GRIN2B: variants seen among roughly 807,000 people sequenced by gnomAD.
The protein encoded by GRIN2B is glutamate ionotropic receptor NMDA type subunit 2B.
GRIN2B carries 5 observed loss-of-function variants against 114.5 expected under a neutral mutation model. The observed-to-expected ratio is 0.04, with a 90% CI of 0.02 to 0.09. The LOEUF (loss-of-function observed/expected upper bound fraction) is 0.09, where lower values mean the gene tolerates loss of function less well. Among genes scored for constraint, GRIN2B ranks in the 10% least tolerant of loss-of-function variants. The pLI is 1.00. For missense variants in GRIN2B, 1,108 were observed against 1,943.5 expected (o/e 0.57, Z 8.08); for synonymous variants, 787 against 745.1 (o/e 1.06, Z -0.92).
chr12:13,663,205 C>T (rs1013541052), intron 5 of GRIN2B, among the ~76,000 whole-genome samples: 1 of 152,158 alleles, frequency 6.6e-6, no homozygotes, highest in African/African-American at 2.4e-5. Flanking sequence ...CACCGCCATC[C>T]CCTTTATGTT....
At chr12:13,977,288 G>C (rs889835096) in intron 2 of GRIN2B, 12 of 152,080 alleles carry the variant, frequency 7.9e-5, no homozygotes, top group Non-Finnish European at 1.5e-4. Flanking sequence ...TGGAACCAAC[G>C]GGAGAGGAAA....
chr12:13,646,123 C>T (rs1196861056), intron 5 of GRIN2B, among the ~76,000 whole-genome samples: 1 of 152,090 alleles, frequency 6.6e-6, no homozygotes. Context: ...CTGGATACAG[C>T]GGCAGATATG....
At position 13,549,759 on chromosome 12, in the gene GRIN2B, T is replaced by G. The variant is rs1948387473; in HGVS notation, c.*13024A>C. 6.6e-6 allele frequency: 1 copy of G among 152,226 alleles called. No homozygotes were observed. Among genetic ancestry groups the G allele is most frequent in the Non-Finnish European group, 1.5e-5 (1 of 68,034 alleles). The allele number at this position is 152,226 out of a possible 1,614,324, so 9.4% of individuals were successfully genotyped here. On this transcript the variant is annotated 3_prime_UTR_variant, in exon 14 of 14. Coordinates refer to ENST00000609686, the MANE Select transcript of GRIN2B (RefSeq NM_000834.5). ...TATAGAATTCAAAAACATTTTTATTTGACCAAGTTTTCTTCACCGTGGAAA... is the reference window on the plus strand; with the variant it reads ...TATAGAATTCAAAAACATTTTTATTGGACCAAGTTTTCTTCACCGTGGAAA...
chr12:13,824,936 T>C (rs1591752782), intron 3 of GRIN2B, among the ~76,000 whole-genome samples: 1 of 152,056 alleles, frequency 6.6e-6, no homozygotes, highest in East Asian at 1.9e-4. Context: ...TTCATTGATT[T>C]CCCCTCTTCA....
chr12:13,564,367 G>A lies in GRIN2B; in HGVS notation c.2871C>T (p.Asn957=). 1 of 1,614,194 alleles carries A rather than the reference G, an allele frequency of 6.2e-7. No individual in the cohort carries two copies. The highest frequency in any genetic ancestry group is 8.5e-7 in the Non-Finnish European group (1 of 1,180,038). Residue 957 remains asparagine, a synonymous_variant, in exon 14 of 14, where the codon AAC becomes AAT. Transcript: ENST00000609686. This position sits in a 1 kb window ranked among gnomAD's most constrained non-coding sequence, Gnocchi z 4.8. ...CCTCACTGATGTAGTCACTGAAGAGGTTCTCCTCACAGGGCGGGTTGTTGT... is the reference window on the plus strand; with the variant it reads ...CCTCACTGATGTAGTCACTGAAGAGATTCTCCTCACAGGGCGGGTTGTTGT... ...KSYNNPPCEE[N]LFSDYISEVE...
At chr12:13,734,584 C>T (rs1178903033) in intron 4 of GRIN2B, among the ~76,000 whole-genome samples, 1 of 152,118 alleles carries the variant, frequency 6.6e-6, no homozygotes, top group Non-Finnish European at 1.5e-5. Flanking sequence ...TGCACAAACC[C>T]CACCTTTTAT....
intron 3 of GRIN2B, among the ~76,000 whole-genome samples, chr12:13,791,081 G>T (rs1337685369): frequency 6.6e-6 from 1 of 152,082 alleles, no homozygotes; most frequent in Non-Finnish European, 1.5e-5. Flanking sequence ...ATTCAGCATA[G>T]GTCATAATAT....
At chr12:13,976,334 CAT>C (rs991549314) in intron 2 of GRIN2B, among the ~76,000 whole-genome samples, 2 of 152,242 alleles carry the variant, frequency 1.3e-5, no homozygotes, top group African/African-American at 4.8e-5. Context: ...GGCATCCAAT[CAT>C]GTGCACAGGA....
At chr12:13,714,150 C>T (rs1950436723) in intron 4 of GRIN2B, among the ~76,000 whole-genome samples, 1 of 151,822 alleles carries the variant, frequency 6.6e-6, no homozygotes, top group Non-Finnish European at 1.5e-5. Flanking sequence ...GTCCTCCCTC[C>T]CCCACCCACC....
At chr12:13,796,135 C>A (rs1442285788) in intron 3 of GRIN2B, among the ~76,000 whole-genome samples, 1 of 148,614 alleles carries the variant, frequency 6.7e-6, no homozygotes, top group African/African-American at 2.5e-5. Context: ...AATAAGAGTT[C>A]AACACACATT....
chr12:13,659,747 A>C (rs1020331743), intron 5 of GRIN2B, among the ~76,000 whole-genome samples: 1 of 152,156 alleles, frequency 6.6e-6, no homozygotes, highest in Non-Finnish European at 1.5e-5. Flanking sequence ...CCTATCATTT[A>C]AAGCCTATCA....
At chr12:13,923,482 T>G (rs755702631) in intron 2 of GRIN2B, among the ~76,000 whole-genome samples, 1 of 152,158 alleles carries the variant, frequency 6.6e-6, no homozygotes, top group East Asian at 1.9e-4. Context: ...GTACAACACA[T>G]CAGACATTAG....
intron 3 of GRIN2B, among the ~76,000 whole-genome samples, chr12:13,776,154 T>C (rs914632620): frequency 3.9e-5 from 6 of 152,172 alleles, no homozygotes; most frequent in African/African-American, 1.2e-4. Context: ...GAAGTGGTTA[T>C]CCTCAGAAAA....
intron 10 of GRIN2B, among the ~76,000 whole-genome samples, chr12:13,598,353 AG>A (rs1030685034): frequency 6.6e-6 from 1 of 152,198 alleles, no homozygotes; most frequent in Admixed American, 6.5e-5. Flanking sequence ...CCTCAGGCCC[AG>A]ACTGACTCCC....
intron 3 of GRIN2B, among the ~76,000 whole-genome samples, chr12:13,789,136 T>C (rs190522218): frequency 6.6e-6 from 1 of 152,242 alleles, no homozygotes; most frequent in East Asian, 1.9e-4. Context: ...TTTAAAACAG[T>C]CAAATCATGT....
chr12:13,732,085 T>A (rs1186071933), intron 4 of GRIN2B, among the ~76,000 whole-genome samples: 1 of 152,044 alleles, frequency 6.6e-6, no homozygotes, highest in African/African-American at 2.4e-5. Context: ...TGAACTCATT[T>A]ACAGAATGAG....
intron 3 of GRIN2B, among the ~76,000 whole-genome samples, chr12:13,855,049 G>GAAAA (rs3082840): frequency 1.1e-4 from 10 of 88,008 alleles, no homozygotes; most frequent in African/African-American, 1.9e-4. Flanking sequence ...CATCTCTACT[G>GAAAA]AAAAAAAAAA....
chr12:13,849,369 C>G (rs931234422), intron 3 of GRIN2B, among the ~76,000 whole-genome samples: 2 of 152,156 alleles, frequency 1.3e-5, no homozygotes, highest in Admixed American at 6.5e-5. Flanking sequence ...TAATGTTGGT[C>G]TGAGCCATCA....
chr12:13,957,293 G>C (rs896352469), intron 2 of GRIN2B, among the ~76,000 whole-genome samples: 1 of 152,104 alleles, frequency 6.6e-6, no homozygotes, highest in Non-Finnish European at 1.5e-5. Flanking sequence ...GCAGGATATG[G>C]GAAGAAAGGT....
Sources: allele counts gnomAD v4.1 joint callset (sites outside exome capture counted in the v4.1 genomes callset), GRCh38; gene constraint gnomAD v4.1.1; non-coding constraint Gnocchi (gnomAD v3.1); transcripts MANE v1.5; gene names NCBI Gene and HGNC (gene_info 2026-07-23, HGNC 2026-07-21).